UGT8: variants seen among roughly 807,000 people sequenced by gnomAD.
UGT8 encodes 2-hydroxyacylsphingosine 1-beta-galactosyltransferase.
Under a neutral mutation model 40.5 loss-of-function variants are expected in UGT8, and 12 were observed. The observed-to-expected ratio is 0.30, with a 90% CI of 0.19 to 0.48. The LOEUF is 0.48. Among genes scored for constraint, UGT8 ranks in the 20% least tolerant of loss-of-function variants. The pLI is 0.99. For synonymous variants in UGT8, 224 were observed against 240.4 expected, an observed-to-expected ratio of 0.93 and a Z score of 0.63; for missense variants, 513 against 648.7, an observed-to-expected ratio of 0.79 and a Z score of 2.27.
At position 114,599,293 on chromosome 4, in the gene UGT8, A is replaced by T. The variant is rs543826586; in HGVS notation, c.-3+319A>T. ...AGGGTTCTCTCGCGTTTGTGCGCTC[A>T]AGGCAGAGGGAGGGTATAACGGGGA... is the stretch of plus-strand genomic sequence containing the variant. On this transcript the variant is annotated intron_variant, in intron 1 of 5. Transcript: ENST00000310836. 3.2e-4 allele frequency among the ~76,000 whole-genome samples: 49 copies of T among 152,208 alleles called. No homozygotes were observed. In the South Asian group the frequency reaches 9.7e-3, roughly 30 times the overall value.
At position 114,664,240 on chromosome 4, in the gene UGT8, A is replaced by G. The variant is rs556689362; in HGVS notation, c.965+103A>G. 39 of 1,265,800 alleles carry G rather than the reference A, an allele frequency of 3.1e-5. No homozygotes were observed. In the East Asian group the frequency reaches 6.5e-4, roughly 21 times the overall value. 78.4% of individuals were successfully genotyped at this position (1,265,800 alleles called of 1,614,324 possible). A position where few individuals can be genotyped will look rare whatever the true frequency, so the allele number is the denominator to read the frequency against. On this transcript the variant is annotated intron_variant, in intron 3 of 5. Coordinates refer to ENST00000310836, the MANE Select transcript of UGT8 (RefSeq NM_001128174.3). Reference sequence around the variant, plus strand: ...CACAGCACATTGTTTCCCTGACAAGATTAGCAAGATGCCCTTGACTTTCAT... The same window carrying G: ...CACAGCACATTGTTTCCCTGACAAGGTTAGCAAGATGCCCTTGACTTTCAT...
chr4:114,661,388 T>C (rs1221219018), intron 2 of UGT8, among the ~76,000 whole-genome samples: 3 of 152,176 alleles, frequency 2.0e-5, no homozygotes, highest in Non-Finnish European at 4.4e-5. Flanking sequence ...CAAAAAATCC[T>C]GTATGTTTAT....
At chr4:114,622,113 C>G (rs1173028437) in intron 1 of UGT8, among the ~76,000 whole-genome samples, 1 of 118,752 alleles carries the variant, frequency 8.4e-6, no homozygotes, top group Non-Finnish European at 1.7e-5. Flanking sequence ...CCTCCCCCCA[C>G]CCCACAACAG....
At chr4:114,631,174 GT>G (rs1732547701) in intron 2 of UGT8, among the ~76,000 whole-genome samples, 1 of 152,088 alleles carries the variant, frequency 6.6e-6, no homozygotes, top group South Asian at 2.1e-4. Context: ...AGTAATTGTG[GT>G]TTTTGTCATT....
chr4:114,671,688 A>C (rs926224599), intron 5 of UGT8, among the ~76,000 whole-genome samples: 1 of 152,212 alleles, frequency 6.6e-6, no homozygotes, highest in African/African-American at 2.4e-5. Context: ...AGATGGATTA[A>C]AGACTTAAAT....
intron 2 of UGT8, among the ~76,000 whole-genome samples, chr4:114,657,853 G>C (rs566817874): frequency 4.6e-5 from 7 of 152,220 alleles, no homozygotes; most frequent in South Asian, 2.1e-4. Flanking sequence ...GTAAAGTATC[G>C]TAAGTGTTTT....
chr4:114,668,155 T>C lies in UGT8; in HGVS notation c.1113T>C (p.Gly371=), dbSNP rs1479788685. 1.2e-6 allele frequency: 2 copies of C among 1,613,878 alleles called. No homozygotes were observed. Among genetic ancestry groups the C allele is most frequent in the Non-Finnish European group, 1.7e-6 (2 of 1,179,806 alleles). Reference sequence around the variant, plus strand: ...GTATTTTTGAAACTATATATCATGGTGTGCCTGTAGTGGGAATTCCACTCT... The same window carrying C: ...GTATTTTTGAAACTATATATCATGGCGTGCCTGTAGTGGGAATTCCACTCT... The part of the protein sequence containing the change: ...LNSIFETIYH[G]VPVVGIPLFG... The change falls in exon 5 of 6, where the codon GGT becomes GGC. Residue 371 remains glycine (G), a synonymous_variant. Transcript: ENST00000310836.
At chr4:114,599,467 C>T (rs917581439) in intron 1 of UGT8, among the ~76,000 whole-genome samples, 8 of 152,160 alleles carry the variant, frequency 5.3e-5, no homozygotes, top group African/African-American at 1.9e-4. Context: ...CTCCGTCTTC[C>T]CCCTAAGGAG....
intron 1 of UGT8, among the ~76,000 whole-genome samples, chr4:114,611,163 T>A (rs908505860): frequency 6.6e-6 from 1 of 152,028 alleles, no homozygotes; most frequent in Non-Finnish European, 1.5e-5. Context: ...TTGTATTTTT[T>A]AAAAATAAAA....
intron 5 of UGT8, among the ~76,000 whole-genome samples, chr4:114,671,645 C>T (rs1051711692): frequency 7.2e-5 from 11 of 152,092 alleles, no homozygotes; most frequent in Admixed American, 1.3e-4. Flanking sequence ...GAAACTGGAC[C>T]CCTTCCTTAC....
intron 5 of UGT8, among the ~76,000 whole-genome samples, chr4:114,669,505 G>A (rs905159274): frequency 3.3e-5 from 5 of 151,946 alleles, no homozygotes; most frequent in African/African-American, 1.2e-4. Context: ...ATAGCCCTAA[G>A]TAGAATTATG....
chr4:114,669,458 GTATC>G (rs1321518629), intron 5 of UGT8, among the ~76,000 whole-genome samples: 14 of 151,924 alleles, frequency 9.2e-5, no homozygotes, highest in Non-Finnish European at 1.8e-4. Context: ...GTGTATGTAT[GTATC>G]TATCTTCAAT....
At chr4:114,649,204 A>T (rs756293808) in intron 2 of UGT8, among the ~76,000 whole-genome samples, 18 of 152,172 alleles carry the variant, frequency 1.2e-4, no homozygotes, top group Non-Finnish European at 1.9e-4. Context: ...AATGACACAG[A>T]GATTAGTATT....
rs1735709359 is a variant in UGT8, at chr4:114,677,141, T to TG, written c.*853_*854insG. 6.6e-6 allele frequency: 1 copy of TG among 152,228 alleles called. No individual in the cohort carries two copies. The allele number at this position is 152,228 out of a possible 1,614,324, so 9.4% of individuals were successfully genotyped here. On this transcript the variant is annotated 3_prime_UTR_variant, in exon 6 of 6. Transcript: ENST00000310836. The stretch of plus-strand genomic sequence containing the variant: ...AGACAAAGCAATGAAATTCTGACTT[T>TG]ATTCAAAGTACTGAAGATTATTGCT...
intron 1 of UGT8, among the ~76,000 whole-genome samples, chr4:114,617,244 A>G (rs1161574821): frequency 6.6e-6 from 1 of 152,158 alleles, no homozygotes; most frequent in Non-Finnish European, 1.5e-5. Flanking sequence ...ACAGAGCAAG[A>G]CTCCATCTCA....
At chr4:114,626,656 A>C (rs1389484084) in intron 2 of UGT8, among the ~76,000 whole-genome samples, 1 of 152,204 alleles carries the variant, frequency 6.6e-6, no homozygotes, top group Non-Finnish European at 1.5e-5. Context: ...AGATACAAAG[A>C]CTTCATCAAA....
chr4:114,630,498 C>G (rs905400419), intron 2 of UGT8, among the ~76,000 whole-genome samples: 2 of 152,128 alleles, frequency 1.3e-5, no homozygotes, highest in African/African-American at 4.8e-5. Context: ...AATCACTGAT[C>G]ATTTCTTATT....
At chr4:114,665,816 C>CT (rs528593278) in intron 4 of UGT8, 60 bp downstream of exon 4, 66,127 of 1,079,966 alleles carry the variant, frequency 0.061, 183 homozygotes, top group African/African-American at 0.092. Context: ...ATAAATGTGA[C>CT]TTTTTTTTTT....
chr4:114,659,818 G>T (rs910935193), intron 2 of UGT8, among the ~76,000 whole-genome samples: 8 of 152,092 alleles, frequency 5.3e-5, no homozygotes, highest in African/African-American at 1.7e-4. Flanking sequence ...AAAATGAAAA[G>T]TAATAAAATC....
Sources: gnomAD v4.1 joint callset for allele counts (sites outside exome capture counted in the v4.1 genomes callset) on GRCh38, gnomAD v4.1.1 for gene constraint, MANE v1.5 for transcripts, NCBI Gene and HGNC (gene_info 2026-07-23, HGNC 2026-07-21) for gene names.